WDR70: variants seen among roughly 807,000 people sequenced by gnomAD.
The protein encoded by WDR70 is WD repeat domain 70.
A neutral mutation model predicts 88.6 loss-of-function variants in WDR70; 53 were observed. The ratio of observed to expected loss-of-function variants is 0.60; its 90% CI spans 0.48 to 0.75. WDR70 has a LOEUF of 0.75. WDR70 is among the 30% of genes least tolerant of loss of function. The pLI is 0.00. For synonymous variants in WDR70, 280 were observed against 270.0 expected (o/e 1.04, Z -0.36); for missense variants, 610 against 823.2 (o/e 0.74, Z 3.17).
chr5:37,698,928 A>G (rs1747062336), intron 11 of WDR70, among the ~76,000 whole-genome samples: 1 of 152,196 alleles, frequency 6.6e-6, no homozygotes, highest in African/African-American at 2.4e-5. Context: ...TATGTATAAA[A>G]TATGTATTTT....
chr5:37,613,251 A>T (rs997198365), intron 10 of WDR70, among the ~76,000 whole-genome samples: 4 of 152,230 alleles, frequency 2.6e-5, no homozygotes, highest in Admixed American at 2.0e-4. Flanking sequence ...AAAACATGGT[A>T]GGTTAAACAC....
intron 9 of WDR70, among the ~76,000 whole-genome samples, chr5:37,563,087 CCG>C (rs1351748795): frequency 2.8e-5 from 2 of 71,710 alleles, no homozygotes; most frequent in African/African-American, 8.1e-5. Flanking sequence ...CTGACCCCCC[CCG>C]CCTCCCTCCC....
chr5:37,665,714 A>T (rs572348168), intron 10 of WDR70, among the ~76,000 whole-genome samples: 1 of 152,336 alleles, frequency 6.6e-6, no homozygotes, highest in South Asian at 2.1e-4. Flanking sequence ...AGATGAGTAC[A>T]TTTCAGATTC....
chr5:37,710,283 TCACTATCAA>T (rs1292438914), intron 13 of WDR70, among the ~76,000 whole-genome samples: 2 of 152,156 alleles, frequency 1.3e-5, no homozygotes, highest in Non-Finnish European at 2.9e-5. Context: ...ATTCATGTAA[TCACTATCAA>T]CACAATCAGT....
intron 10 of WDR70, among the ~76,000 whole-genome samples, chr5:37,614,715 C>A (rs1744282621): frequency 1.3e-5 from 2 of 151,946 alleles, no homozygotes; most frequent in South Asian, 4.2e-4. Flanking sequence ...ACTGTATGGC[C>A]CCTTATAGAA....
chr5:37,441,197 G>A (rs1406623677), intron 6 of WDR70, among the ~76,000 whole-genome samples: 1 of 152,134 alleles, frequency 6.6e-6, no homozygotes, highest in Admixed American at 6.5e-5. Flanking sequence ...GTTTGTAGGT[G>A]GTGGTAGCAG....
chr5:37,611,377 T>G (rs1311202290), intron 10 of WDR70, among the ~76,000 whole-genome samples: 1 of 152,156 alleles, frequency 6.6e-6, no homozygotes, highest in Non-Finnish European at 1.5e-5. Context: ...TATTTACTTT[T>G]ATGGAGGTTC....
chr5:37,686,711 C>T (rs1418268914), intron 10 of WDR70, among the ~76,000 whole-genome samples: 1 of 151,890 alleles, frequency 6.6e-6, no homozygotes, highest in African/African-American at 2.4e-5. Context: ...CCAGAGGCTC[C>T]ATGACCATCT....
At chr5:37,525,805 C>T (rs1285295492) in intron 9 of WDR70, among the ~76,000 whole-genome samples, 1 of 152,090 alleles carries the variant, frequency 6.6e-6, no homozygotes, top group Non-Finnish European at 1.5e-5. Flanking sequence ...GGGGATATCA[C>T]CACCGATCTC....
chr5:37,525,920 A>G (rs531225142), intron 9 of WDR70, among the ~76,000 whole-genome samples: 41 of 152,332 alleles, frequency 2.7e-4, no homozygotes, highest in South Asian at 6.2e-4. Flanking sequence ...ACACCCTCCC[A>G]AGACTAAACC....
chr5:37,382,189 C>T (rs1421595641), intron 3 of WDR70, among the ~76,000 whole-genome samples: 1 of 151,632 alleles, frequency 6.6e-6, no homozygotes, highest in Non-Finnish European at 1.5e-5. Context: ...GCCTCCACCT[C>T]CCCGGTTCAA....
intron 10 of WDR70, among the ~76,000 whole-genome samples, chr5:37,676,411 A>C (rs1019066565): frequency 7.9e-5 from 12 of 152,094 alleles, no homozygotes; most frequent in Admixed American, 5.2e-4. Context: ...TACGTCCCAT[A>C]AATACCTAAT....
chr5:37,389,568 C>T (rs767117357), intron 3 of WDR70, among the ~76,000 whole-genome samples: 5 of 152,010 alleles, frequency 3.3e-5, no homozygotes, highest in South Asian at 4.1e-4. Context: ...GCTGCCACCA[C>T]GCCTGGCTAA....
chr5:37,421,000 T>C (rs1264334814), intron 5 of WDR70, among the ~76,000 whole-genome samples: 1 of 152,202 alleles, frequency 6.6e-6, no homozygotes, highest in East Asian at 1.9e-4. Context: ...GATCCTTCTT[T>C]TGTGCAATTT....
intron 17 of WDR70, among the ~76,000 whole-genome samples, chr5:37,741,949 T>TTA (rs1748495147): frequency 6.6e-6 from 1 of 152,234 alleles, no homozygotes; most frequent in South Asian, 2.1e-4. Context: ...ATTTCCTTCC[T>TTA]TTTTCAGGAT....
Position 37,560,442 on chromosome 5 carries a change from A to G in WDR70, c.917+43852A>G, listed in dbSNP as rs142567776. On this transcript the variant is annotated intron_variant, in intron 9 of 17. Transcript: ENST00000265107. ...ACACCTCTCCAGAACTCTCAGTTTA[A>G]AGTCAAATATGAGAGTCTACCTGGT... 8.6e-3 allele frequency among the ~76,000 whole-genome samples: 1,310 copies of G among 152,298 alleles called. 17 individuals are homozygous for G. Among genetic ancestry groups the G allele is most frequent in the African/African-American group, 0.03 (1,247 of 41,562 alleles).
chr5:37,564,960 T>C (rs1432291541), intron 9 of WDR70, among the ~76,000 whole-genome samples: 1 of 152,218 alleles, frequency 6.6e-6, no homozygotes, highest in Admixed American at 6.5e-5. Flanking sequence ...ACAGCTCATA[T>C]TTTTACGCAT....
intron 9 of WDR70, among the ~76,000 whole-genome samples, chr5:37,549,700 C>T (rs1283533945): frequency 6.6e-6 from 1 of 152,102 alleles, no homozygotes; most frequent in African/African-American, 2.4e-5. Context: ...AAGTGGACAT[C>T]CTTGTTGTGT....
chr5:37,445,725 G>A (rs1022154464), intron 7 of WDR70, among the ~76,000 whole-genome samples: 2 of 152,126 alleles, frequency 1.3e-5, no homozygotes, highest in African/African-American at 4.8e-5. Context: ...AAAGGCCTTT[G>A]ACAAAATTCA....
Sources: allele counts gnomAD v4.1 joint callset (sites outside exome capture counted in the v4.1 genomes callset), GRCh38; gene constraint gnomAD v4.1.1; transcripts MANE v1.5; gene names NCBI Gene and HGNC (gene_info 2026-07-23, HGNC 2026-07-21).